BRINP3: variants seen among roughly 807,000 people sequenced by gnomAD.
BRINP3 encodes BMP/retinoic acid inducible neural specific 3.
A neutral mutation model predicts 71.0 loss-of-function variants in BRINP3; 19 were observed. That is an observed-to-expected ratio of 0.27 (90% CI 0.19 to 0.39). The LOEUF (loss-of-function observed/expected upper bound fraction) is 0.39. Ranked by LOEUF, BRINP3 falls within the 10% of genes least tolerant of loss-of-function variation. BRINP3 has a pLI of 1.00. For missense variants in BRINP3, 959 were observed against 940.8 expected (o/e 1.02, Z -0.25); for synonymous variants, 380 against 337.7 (o/e 1.13, Z -1.37).
rs575035474 is a variant in BRINP3 at position 190,401,590 on chromosome 1, C to T, written c.236+53065G>A. 4.0e-5 allele frequency among the ~76,000 whole-genome samples: 6 copies of T among 151,844 alleles called. No individual in the cohort carries two copies. The South Asian group carries it at 1.2e-3, about 31-fold the overall frequency. ...TTGCCACATTGCAGACCTATGGAAT[C>T]GGAAATCTGAGTAATGCCTGTGACA... On this transcript the variant is annotated intron_variant, in intron 2 of 7. Transcript: ENST00000367462.
At chr1:190,335,931 C>T (rs956692330) in intron 2 of BRINP3, among the ~76,000 whole-genome samples, 1 of 151,892 alleles carries the variant, frequency 6.6e-6, no homozygotes, top group African/African-American at 2.4e-5. Context: ...GATAACAGAA[C>T]TTATTTGTGA....
intron 2 of BRINP3, among the ~76,000 whole-genome samples, chr1:190,452,350 A>G (rs768315837): frequency 6.6e-6 from 1 of 152,202 alleles, no homozygotes; most frequent in Non-Finnish European, 1.5e-5. Context: ...TTATAAATGG[A>G]TTTAATATCT....
chr1:190,471,484 T>C (rs1341275629), intron 1 of BRINP3, among the ~76,000 whole-genome samples: 1 of 151,272 alleles, frequency 6.6e-6, no homozygotes, highest in Non-Finnish European at 1.5e-5. Context: ...ACAGAACACA[T>C]AGTAGTGCAT....
intron 7 of BRINP3, among the ~76,000 whole-genome samples, chr1:190,100,807 T>C (rs562750980): frequency 2.0e-5 from 3 of 152,202 alleles, no homozygotes; most frequent in Non-Finnish European, 4.4e-5. Context: ...AAATCACTGA[T>C]TGAAATTTTA....
intron 6 of BRINP3, among the ~76,000 whole-genome samples, chr1:190,193,695 T>A (rs1654241628): frequency 6.6e-6 from 1 of 152,116 alleles, no homozygotes; most frequent in African/African-American, 2.4e-5. Context: ...CTCCCTTTAA[T>A]TAGAGCCTTT....
At chr1:190,448,190 TTTAA>T (rs1675355462) in intron 2 of BRINP3, among the ~76,000 whole-genome samples, 1 of 151,832 alleles carries the variant, frequency 6.6e-6, no homozygotes, top group African/African-American at 2.4e-5. Flanking sequence ...GAGCAAACAG[TTTAA>T]TTGATTTCTT....
At chr1:190,146,848 T>G (rs1273102856) in intron 7 of BRINP3, among the ~76,000 whole-genome samples, 1 of 152,062 alleles carries the variant, frequency 6.6e-6, no homozygotes, top group African/African-American at 2.4e-5. Flanking sequence ...AAATTGATAA[T>G]TAGTATTATA....
At chr1:190,210,115 T>C (rs912116475) in intron 6 of BRINP3, among the ~76,000 whole-genome samples, 2 of 152,086 alleles carry the variant, frequency 1.3e-5, no homozygotes, top group African/African-American at 4.8e-5. Flanking sequence ...AAGGTATGAA[T>C]GTACTCAGTA....
chr1:190,395,251 T>G (rs72731136), intron 2 of BRINP3, among the ~76,000 whole-genome samples: 1 of 151,806 alleles, frequency 6.6e-6, no homozygotes, highest in Non-Finnish European at 1.5e-5. Flanking sequence ...AGATCTGACT[T>G]TATGCATAGT....
chr1:190,187,835 T>C (rs191817511), intron 6 of BRINP3, among the ~76,000 whole-genome samples: 1 of 152,226 alleles, frequency 6.6e-6, no homozygotes, highest in East Asian at 1.9e-4. Context: ...GTTTGTTCTA[T>C]TTGCTCAGGA....
intron 6 of BRINP3, among the ~76,000 whole-genome samples, chr1:190,202,244 C>G (rs1451963637): frequency 1.3e-5 from 2 of 152,060 alleles, no homozygotes; most frequent in Non-Finnish European, 2.9e-5. Flanking sequence ...TTTGACTTCC[C>G]CACTGGATTT....
Position 190,454,735 on chromosome 1 carries a change from T to A in BRINP3, c.156A>T (p.Gly52=). The A allele has an allele frequency of 6.2e-7, 1 of 1,614,098 alleles. No individual in the cohort carries two copies. Among genetic ancestry groups the A allele is most frequent in the Non-Finnish European group, 8.5e-7 (1 of 1,180,032 alleles). ...TGTATTCCTGTGAGCGATGGAAGGG[T>A]CCCTTATCAGAGAGGAGCCAGTCGA... is the stretch of plus-strand genomic sequence containing the variant. The part of the protein sequence containing the change: ...SPFDWLLSDK[G]PFHRSQEYTD... The change falls in exon 2 of 8, where the codon GGA becomes GGT. Residue 52 remains glycine (G), a synonymous_variant. Transcript: ENST00000367462.
intron 3 of BRINP3, among the ~76,000 whole-genome samples, chr1:190,279,236 C>T (rs1338293465): frequency 6.6e-6 from 1 of 151,724 alleles, no homozygotes; most frequent in Non-Finnish European, 1.5e-5. Flanking sequence ...CAAATAGACA[C>T]AGCTTTCACA....
chr1:190,156,864 C>T (rs1021712174), intron 7 of BRINP3, among the ~76,000 whole-genome samples: 19 of 152,146 alleles, frequency 1.2e-4, no homozygotes, highest in South Asian at 2.1e-4. Context: ...TTGTGTTGGA[C>T]GCTCCCAGTT....
At chr1:190,404,339 A>G (rs1489901920) in intron 2 of BRINP3, among the ~76,000 whole-genome samples, 1 of 152,196 alleles carries the variant, frequency 6.6e-6, no homozygotes, top group Non-Finnish European at 1.5e-5. Flanking sequence ...CTGATATGCA[A>G]TAAAAATATA....
chr1:190,232,550 G>A (rs1377969532), intron 5 of BRINP3, among the ~76,000 whole-genome samples: 1 of 151,442 alleles, frequency 6.6e-6, no homozygotes, highest in African/African-American at 2.4e-5. Context: ...ATACAGACAT[G>A]GAAAACAGAA....
rs1009681780 is a variant in BRINP3 at position 190,223,256 on chromosome 1, C to A, written c.961+2826G>T. On this transcript the variant is annotated intron_variant, in intron 6 of 7. Transcript: ENST00000367462. ...ACTACAGATCAATATCACTGATGAGCAGAGATGCAAAGATAATCAACAAAA... is the reference window on the plus strand; with the variant it reads ...ACTACAGATCAATATCACTGATGAGAAGAGATGCAAAGATAATCAACAAAA... Among the ~76,000 whole-genome samples, 5 of 151,842 alleles carry A rather than the reference C, an allele frequency of 3.3e-5. No individual in the cohort carries two copies. In the East Asian group the frequency reaches 9.7e-4, roughly 29 times the overall value.
At chr1:190,343,957 T>C (rs1185330861) in intron 2 of BRINP3, among the ~76,000 whole-genome samples, 1 of 151,684 alleles carries the variant, frequency 6.6e-6, no homozygotes, top group South Asian at 2.1e-4. Context: ...GTACTCATAA[T>C]ATAAGGACAA....
intron 6 of BRINP3, among the ~76,000 whole-genome samples, chr1:190,215,758 T>C (rs906163768): frequency 2.0e-5 from 3 of 151,902 alleles, no homozygotes; most frequent in Non-Finnish European, 4.4e-5. Flanking sequence ...CTGTCATTCT[T>C]AGATCATCAA....
Sources: gnomAD v4.1 joint callset for allele counts (sites outside exome capture counted in the v4.1 genomes callset) on GRCh38, gnomAD v4.1.1 for gene constraint, MANE v1.5 for transcripts, NCBI Gene and HGNC (gene_info 2026-07-23, HGNC 2026-07-21) for gene names.